The following SYNE2 variants were observed in gnomAD, a reference collection of about 807,000 sequenced individuals.
SYNE2 encodes the protein nesprin-2.
Under a neutral mutation model 856.3 loss-of-function variants are expected in SYNE2, and 431 were observed. That is an observed-to-expected ratio of 0.50 (90% CI 0.47 to 0.55). The LOEUF is 0.55. Among genes scored for constraint, SYNE2 ranks in the 20% least tolerant of loss-of-function variants. The pLI is 0.00. For synonymous variants in SYNE2, 2,923 were observed against 2,872.3 expected (o/e 1.02, Z -0.56); for missense variants, 8,129 against 8,023.2 (o/e 1.01, Z -0.50).
intron 6 of SYNE2, among the ~76,000 whole-genome samples, chr14:63,948,526 G>T (rs1204974663): frequency 6.6e-6 from 1 of 151,478 alleles, no homozygotes; most frequent in Non-Finnish European, 1.5e-5. Context: ...GCCGGGAGTG[G>T]TGGCGTGCGC....
chr14:64,077,493 G>T (rs913765464), intron 54 of SYNE2, among the ~76,000 whole-genome samples: 3 of 152,042 alleles, frequency 2.0e-5, no homozygotes, highest in African/African-American at 7.2e-5. Context: ...ACTCAATCTA[G>T]GGACTTGGGC....
intron 1 of SYNE2, among the ~76,000 whole-genome samples, chr14:63,889,880 G>A (rs985201595): frequency 5.3e-5 from 8 of 152,080 alleles, no homozygotes; most frequent in Admixed American, 2.6e-4. Context: ...GTGGTTTGAT[G>A]CATGGACAAC....
intron 65 of SYNE2, chr14:64,113,132 C>T (rs2097825191): frequency 1.0e-6 from 1 of 985,284 alleles, no homozygotes; most frequent in Non-Finnish European, 1.2e-6. Flanking sequence ...ACTGTACCTG[C>T]TTACTCGCAG....
chr14:64,086,295 G>A (rs897568107), intron 57 of SYNE2, among the ~76,000 whole-genome samples: 1 of 152,166 alleles, frequency 6.6e-6, no homozygotes, highest in Non-Finnish European at 1.5e-5. Flanking sequence ...CACTTTGTTG[G>A]AAATCAATTG....
intron 94 of SYNE2, among the ~76,000 whole-genome samples, chr14:64,174,224 A>G (rs2098423784): frequency 6.6e-6 from 1 of 152,060 alleles, no homozygotes; most frequent in East Asian, 1.9e-4. Flanking sequence ...GGCATCCACC[A>G]CCATGCCTGG....
At chr14:64,044,893 G>A (rs866332642) in intron 45 of SYNE2, among the ~76,000 whole-genome samples, 1 of 151,986 alleles carries the variant, frequency 6.6e-6, no homozygotes, top group Non-Finnish European at 1.5e-5. Flanking sequence ...CCAGTCTCAG[G>A]TATGTCTTTA....
chr14:64,025,452 CTG>C (rs760735590), intron 41 of SYNE2, 31 bp downstream of exon 41: 28 of 1,595,830 alleles, frequency 1.8e-5, no homozygotes, highest in Non-Finnish European at 8.5e-7. Context: ...TTTCAGAAGT[CTG>C]AGTGAACTCT....
intron 45 of SYNE2, among the ~76,000 whole-genome samples, chr14:64,037,869 G>C (rs1278579012): frequency 2.0e-5 from 3 of 150,866 alleles, no homozygotes; most frequent in South Asian, 2.1e-4. Flanking sequence ...CCTCCCGGAC[G>C]GGGCGGCTGG....
At chr14:63,948,730 A>ATATATATGTATATATG (rs1566883104) in intron 6 of SYNE2, among the ~76,000 whole-genome samples, 4 of 88,890 alleles carry the variant, frequency 4.5e-5, no homozygotes, top group African/African-American at 1.4e-4. Flanking sequence ...GTGTATATAT[A>ATATATATGTATATATG]TGTGTATAGA....
chr14:64,132,280 C>G lies in SYNE2; in HGVS notation c.14356C>G (p.Leu4786Val). 6.2e-7 allele frequency: 1 copy of G among 1,613,490 alleles called. No homozygotes were observed. Among genetic ancestry groups the G allele is most frequent in the Non-Finnish European group, 8.5e-7 (1 of 1,179,998 alleles). The change falls in exon 77 of 116, where the codon CTT becomes GTT. Residue 4786 changes from leucine (L) to valine (V), a missense_variant. Physicochemically the swap from Leu to Val is conservative, Grantham distance 32. Around this residue, in one of 3 missense-constraint regions of SYNE2, gnomAD observed 5,410 missense variants for 5,284.8 expected, o/e 1.02. Transcript: ENST00000555002. ...IENHKVFFQK[L>V]VADMLLIQAY... ...CATCTCATAGGTTTTTTTCCAGAAG[C>G]TTGTTGCTGACATGTTGTTGATCCA...
At position 64,146,275 on chromosome 14, in the gene SYNE2, C is replaced by A; in HGVS notation, c.15639+52C>A. 3 of 1,538,076 alleles carry A rather than the reference C, an allele frequency of 2.0e-6. No individual in the cohort carries two copies. In the South Asian group the frequency reaches 3.8e-5, roughly 19 times the overall value. On this transcript the variant is annotated intron_variant, in intron 84 of 115. Transcript: ENST00000555002. ...AACCCGCGAGCTGGGGTGATTCGGTCACCTCTCTTGCCCCGAGGATAAGTT... is the reference window on the plus strand; with the variant it reads ...AACCCGCGAGCTGGGGTGATTCGGTAACCTCTCTTGCCCCGAGGATAAGTT...
intron 1 of SYNE2, among the ~76,000 whole-genome samples, chr14:63,803,323 T>C (rs1310967618): frequency 6.6e-6 from 1 of 152,116 alleles, no homozygotes; most frequent in Non-Finnish European, 1.5e-5. Context: ...GGGGTGGTGC[T>C]AGTCGGGGAG....
intron 64 of SYNE2, among the ~76,000 whole-genome samples, chr14:64,103,840 G>A (rs1258530083): frequency 1.3e-5 from 2 of 152,224 alleles, no homozygotes; most frequent in East Asian, 3.9e-4. Flanking sequence ...CCTCTCTGTA[G>A]ACTTCCTTCC....
At chr14:64,159,120 A>AGG (rs2098309185) in intron 86 of SYNE2, among the ~76,000 whole-genome samples, 192 bp from the exon 87 acceptor site, 1 of 151,036 alleles carries the variant, frequency 6.6e-6, no homozygotes, top group Admixed American at 6.6e-5. Flanking sequence ...ACTTTATATT[A>AGG]CTTAGTACTT....
At position 64,017,609 on chromosome 14, in the gene SYNE2, A is replaced by G; in HGVS notation, c.4902A>G (p.Thr1634=). The G allele has an allele frequency of 6.8e-6, 11 of 1,612,252 alleles. No individual in the cohort carries two copies. Among genetic ancestry groups the G allele is most frequent in the Non-Finnish European group, 9.3e-6 (11 of 1,178,892 alleles). The change falls in exon 34 of 116, where the codon ACA becomes ACG. Residue 1634 remains threonine (T), a synonymous_variant. Transcript: ENST00000555002. ...VDRWLDINEK[T]EDYYENLGRA... is the part of the protein sequence containing the mutation. ...AATTATGGTAGATAAATGAGAAGAC[A>G]GAAGATTACTATGAAAATCTTGGTC...
intron 1 of SYNE2, among the ~76,000 whole-genome samples, chr14:63,790,165 C>A (rs959658741): frequency 6.6e-6 from 1 of 151,870 alleles, no homozygotes; most frequent in African/African-American, 2.4e-5. Context: ...AAACCCCATC[C>A]CTACAAAAAA....
chr14:63,817,691 A>G (rs1348252134), intron 1 of SYNE2, among the ~76,000 whole-genome samples: 1 of 152,182 alleles, frequency 6.6e-6, no homozygotes, highest in Non-Finnish European at 1.5e-5. Flanking sequence ...TACATGCAGA[A>G]AAAGCATGTA....
chr14:63,921,070 A>G (rs2095595141), intron 2 of SYNE2, among the ~76,000 whole-genome samples: 1 of 152,122 alleles, frequency 6.6e-6, no homozygotes, highest in East Asian at 1.9e-4. Context: ...AGCTGAGATC[A>G]TGCCATTGCA....
At chr14:64,190,927 G>A in intron 99 of SYNE2, 1 of 701,660 alleles carries the variant, frequency 1.4e-6, no homozygotes, top group East Asian at 2.7e-5. Flanking sequence ...CAAACTCCAG[G>A]TGGATGTTTT....
Sources: gnomAD v4.1 joint callset for allele counts (sites outside exome capture counted in the v4.1 genomes callset) on GRCh38, gnomAD v4.1.1 for gene constraint, gnomAD v4.1.1 regional missense constraint, MANE v1.5 for transcripts, NCBI Gene and HGNC (gene_info 2026-07-23, HGNC 2026-07-21) for gene names.